Variants in COPE observed in about 807,000 individuals in gnomAD.
The protein encoded by COPE is coat protein complex I subunit epsilon.
A neutral mutation model predicts 42.1 loss-of-function variants in COPE; 19 were observed. That is an observed-to-expected ratio of 0.45 (90% CI 0.31 to 0.66). The LOEUF (loss-of-function observed/expected upper bound fraction) is 0.66, where lower values mean the gene tolerates loss of function less well. Among genes scored for constraint, COPE ranks in the 30% least tolerant of loss-of-function variants. The pLI is 0.05. For synonymous variants in COPE, 195 were observed against 181.3 expected (o/e 1.08, Z -0.60); for missense variants, 402 against 416.1 (o/e 0.97, Z 0.30).
intron 3 of COPE, among the ~76,000 whole-genome samples, chr19:18,909,972 T>C (rs775815490): frequency 6.6e-6 from 1 of 152,194 alleles, no homozygotes; most frequent in Non-Finnish European, 1.5e-5. Context: ...GACGTACCTT[T>C]TGGGGGACAC....
intron 1 of COPE, among the ~76,000 whole-genome samples, chr19:18,914,149 A>G (rs1047596588): frequency 6.6e-6 from 1 of 152,188 alleles, no homozygotes; most frequent in Admixed American, 6.5e-5. Flanking sequence ...TCCTAGAAGA[A>G]TGTCAAAGGC....
At chr19:18,910,553 T>TCCAG in intron 3 of COPE, 1 of 185,104 alleles carries the variant, frequency 5.4e-6, no homozygotes, top group African/African-American at 2.3e-5. Context: ...CCACTGCAAC[T>TCCAG]CCAGCCTGGT....
chr19:18,901,171 C>T (rs988080136), intron 7 of COPE, among the ~76,000 whole-genome samples: 3 of 152,158 alleles, frequency 2.0e-5, no homozygotes, highest in African/African-American at 7.2e-5. Context: ...ACCACAGCCA[C>T]GGGGAGGCCA....
Position 18,919,232 on chromosome 19 carries a change from CTG to C in COPE, c.115_116del (p.Gln39AlafsTer19). The C allele has an allele frequency of 6.2e-7, 1 of 1,612,122 alleles. No homozygotes were observed. ...GSYQQCINEA[Q>X]RVKLSSPERD... Reference sequence around the variant, plus strand: ...CCCTGCGCGGCCGCACCTTCACCCGCTGCGCCTCGTTTATGCACTGCTGGTAG... The same window carrying C: ...CCCTGCGCGGCCGCACCTTCACCCGCCGCCTCGTTTATGCACTGCTGGTAG... On this transcript the variant is annotated frameshift_variant, in exon 1 of 10. Coordinates refer to ENST00000262812, the MANE Select transcript of COPE (RefSeq NM_007263.4). LOFTEE classifies it high-confidence loss of function.
chr19:18,918,473 T>G (rs1485601648), intron 1 of COPE, among the ~76,000 whole-genome samples: 1 of 152,034 alleles, frequency 6.6e-6, no homozygotes, highest in Admixed American at 6.6e-5. Flanking sequence ...TCTTACAACT[T>G]TGTCACCCAG....
At position 18,899,559 on chromosome 19, in the gene COPE, G is replaced by A. The variant is rs1010890228; in HGVS notation, c.*120C>T. The stretch of plus-strand genomic sequence containing the variant: ...TTGAGATATTTATTAACAGATGGGG[G>A]TGCTGGGGGTGGGCTCCTGCCCCCA... On this transcript the variant is annotated 3_prime_UTR_variant, in exon 10 of 10. Transcript: ENST00000262812. The A allele has an allele frequency of 4.4e-6, 4 of 911,086 alleles. No individual in the cohort carries two copies. The highest frequency in any genetic ancestry group is 3.3e-5 in the African/African-American group (2 of 60,954). The allele number at this position is 911,086 out of a possible 1,614,324, so 56.4% of individuals were successfully genotyped here. A position where few individuals can be genotyped will look rare whatever the true frequency, so the allele number is the denominator to read the frequency against.
intron 3 of COPE, among the ~76,000 whole-genome samples, chr19:18,908,525 T>TTTC (rs2056781523): frequency 2.0e-5 from 3 of 151,556 alleles, no homozygotes; most frequent in Non-Finnish European, 4.4e-5. Flanking sequence ...ATCTCTCTTT[T>TTTC]TTTTTTTTTG....
At chr19:18,912,953 A>G (rs1179137113) in intron 2 of COPE, 31 bp downstream of exon 2, 7 of 1,607,290 alleles carry the variant, frequency 4.4e-6, no homozygotes, top group Non-Finnish European at 5.9e-6. Flanking sequence ...TCTGTTCATC[A>G]CTCTTGCCCC....
At position 18,919,324 on chromosome 19, in the gene COPE, C is replaced by T. The variant is rs1352624072; in HGVS notation, c.25G>A (p.Ala9Thr). 2.0e-5 allele frequency: 32 copies of T among 1,613,538 alleles called. No homozygotes were observed. Among genetic ancestry groups the T allele is most frequent in the Non-Finnish European group, 2.7e-5 (32 of 1,179,928 alleles). MAPPAPGP[A>T]SGGSGEVDEL... Reference sequence around the variant, plus strand: ...TCTACCTCCCCGGAGCCGCCGGAGGCCGGGCCGGGGGCCGGAGGCGCCATT... The same window carrying T: ...TCTACCTCCCCGGAGCCGCCGGAGGTCGGGCCGGGGGCCGGAGGCGCCATT... Residue 9 changes from alanine (A) to threonine (T), a missense_variant, in exon 1 of 10, where the codon GCC becomes ACC. By Grantham distance (58) the Ala-to-Thr change is moderately conservative. Coordinates refer to ENST00000262812, the MANE Select transcript of COPE (RefSeq NM_007263.4).
chr19:18,910,621 GC>G, intron 3 of COPE: 1 of 249,932 alleles, frequency 4.0e-6, no homozygotes, highest in Non-Finnish European at 8.0e-6. Flanking sequence ...GGAGGGCCCT[GC>G]CCCCGCTGCG....
rs1425642407 is a variant in COPE, at chr19:18,909,574, A to C, written c.290+1397T>G. ...CCCGCTGTCACCCAGGCTGGAGTGC[A>C]CTAGTGCGATCTTGGCTCACTGCAA... On this transcript the variant is annotated intron_variant, in intron 3 of 9. Transcript: ENST00000262812. Among the ~76,000 whole-genome samples, 4 of 146,852 alleles carry C rather than the reference A, an allele frequency of 2.7e-5. No individual in the cohort carries two copies. In the Admixed American group the frequency reaches 2.8e-4, roughly 10 times the overall value.
intron 3 of COPE, among the ~76,000 whole-genome samples, chr19:18,909,496 G>A (rs540339624): frequency 6.6e-6 from 1 of 151,180 alleles, no homozygotes; most frequent in South Asian, 2.1e-4. Flanking sequence ...TGTCACATGG[G>A]CTTAACTCTG....
Position 18,899,732 on chromosome 19 carries a change from G to A in COPE, c.880-6C>T, listed in dbSNP as rs199731661. The A allele has an allele frequency of 1.9e-6, 3 of 1,613,778 alleles. No individual in the cohort carries two copies. Among genetic ancestry groups the A allele is most frequent in the Non-Finnish European group, 1.7e-6 (2 of 1,179,978 alleles). On this transcript the variant is annotated splice_polypyrimidine_tract_variant and splice_region_variant and intron_variant, in intron 9 of 9. Transcript: ENST00000262812. ...AGCCTGTCAAAGTCGTTCTCCTTTA[G>A]CAAGACACATGGCAACACAGGGTGG...
intron 2 of COPE, chr19:18,911,374 C>T: frequency 2.5e-6 from 1 of 392,378 alleles, no homozygotes; most frequent in Non-Finnish European, 4.8e-6. Flanking sequence ...GGCGTGTCAC[C>T]TGGGGGCAGG....
intron 3 of COPE, among the ~76,000 whole-genome samples, chr19:18,907,616 G>A (rs1250364780): frequency 3.3e-5 from 5 of 152,180 alleles, no homozygotes; most frequent in African/African-American, 4.8e-5. Context: ...AGTGTGCTGC[G>A]GGCCAGGGCC....
At chr19:18,903,225 T>C in intron 7 of COPE, 43 bp downstream of exon 7, 1 of 1,516,358 alleles carries the variant, frequency 6.6e-7, no homozygotes, top group Non-Finnish European at 8.8e-7. Flanking sequence ...TCTGGCCGCC[T>C]GGCCTTCCCT....
chr19:18,910,256 G>A (rs1012297968), intron 3 of COPE, among the ~76,000 whole-genome samples: 11 of 152,202 alleles, frequency 7.2e-5, no homozygotes, highest in Non-Finnish European at 1.3e-4. Flanking sequence ...GACAGGCGTG[G>A]CCTCACCCAC....
Position 18,919,293 on chromosome 19 carries a change from A to G in COPE, c.56T>C (p.Leu19Pro). The change falls in exon 1 of 10, where the codon CTG becomes CCG. Residue 19 changes from leucine (L) to proline (P), a missense_variant. By Grantham distance (98) the Leu-to-Pro change is moderately conservative (BLOSUM62 -3). Coordinates refer to ENST00000262812, the MANE Select transcript of COPE (RefSeq NM_007263.4). Reference protein sequence around the residue: ...ASGGSGEVDELFDVKNAFYIG... With the variant: ...ASGGSGEVDEPFDVKNAFYIG... Reference sequence around the variant, plus strand: ...GTAGAAGGCGTTCTTTACGTCGAACAGCTCGTCTACCTCCCCGGAGCCGCC... The same window carrying G: ...GTAGAAGGCGTTCTTTACGTCGAACGGCTCGTCTACCTCCCCGGAGCCGCC... The G allele has an allele frequency of 1.2e-6, 2 of 1,613,976 alleles. No individual in the cohort carries two copies. Among genetic ancestry groups the G allele is most frequent in the South Asian group, 1.1e-5 (1 of 91,088 alleles).
Position 18,918,214 on chromosome 19 carries a change from G to T in COPE, c.126+1009C>A, listed in dbSNP as rs111933478. ...AAAAAAAAAAAAAAAGAAAAGAAAA[G>T]AAAAGAAAAAAGAAAGATGTATGGG... On this transcript the variant is annotated intron_variant, in intron 1 of 9. Coordinates refer to ENST00000262812, the MANE Select transcript of COPE (RefSeq NM_007263.4). Among the ~76,000 whole-genome samples, 648 of 127,582 alleles carry T rather than the reference G, an allele frequency of 5.1e-3. 4 individuals are homozygous for T. The highest frequency in any genetic ancestry group is 0.019 in the African/African-American group (619 of 33,414). 83.7% of individuals were successfully genotyped at this position (127,582 alleles called of 152,430 possible).
Sources: allele counts gnomAD v4.1 joint callset (sites outside exome capture counted in the v4.1 genomes callset), GRCh38; gene constraint gnomAD v4.1.1; transcripts MANE v1.5; gene names NCBI Gene and HGNC (gene_info 2026-07-23, HGNC 2026-07-21).